Variants in ANO4 observed in about 807,000 individuals in gnomAD.
ANO4 encodes anoctamin 4, also known as anoctamin-4.
ANO4 carries 69 observed loss-of-function variants against 141.9 expected under a neutral mutation model. The ratio of observed to expected loss-of-function variants is 0.49; its 90% CI spans 0.40 to 0.59. The LOEUF (loss-of-function observed/expected upper bound fraction) is 0.59, where lower values mean the gene tolerates loss of function less well. ANO4 is among the 20% of genes least tolerant of loss of function. The pLI, the probability that ANO4 is intolerant of heterozygous loss-of-function variation, is 0.00. For synonymous variants in ANO4, 350 were observed against 394.3 expected (o/e 0.89, Z 1.33); for missense variants, 894 against 1,162.2 (o/e 0.77, Z 3.36).
chr12:100,831,977 C>T (rs1356039212), intron 1 of ANO4, among the ~76,000 whole-genome samples: 2 of 152,054 alleles, frequency 1.3e-5, no homozygotes, highest in South Asian at 4.1e-4. Context: ...CGGGCTGGTA[C>T]CGTCTTTATT....
intron 1 of ANO4, among the ~76,000 whole-genome samples, chr12:100,838,019 C>T (rs999387840): frequency 6.6e-6 from 1 of 152,134 alleles, no homozygotes; most frequent in Admixed American, 6.5e-5. Context: ...TCCACAGGCC[C>T]CTATAGGGCC....
chr12:100,790,983 G>A (rs758581463), upstream of ANO4, among the ~76,000 whole-genome samples: 79 of 152,098 alleles, frequency 5.2e-4, no homozygotes, highest in Admixed American at 7.2e-4. Context: ...ATTTAGTGAG[G>A]GACCATACTT....
chr12:101,072,130 T>C (rs2048839299), intron 14 of ANO4, among the ~76,000 whole-genome samples: 1 of 152,176 alleles, frequency 6.6e-6, no homozygotes, highest in Non-Finnish European at 1.5e-5. Context: ...ATGTTCCTGG[T>C]TGGCAGATGG....
intron 4 of ANO4, among the ~76,000 whole-genome samples, chr12:100,940,030 G>A (rs748459311): frequency 4.7e-5 from 7 of 149,660 alleles, no homozygotes; most frequent in African/African-American, 1.5e-4. Flanking sequence ...TAGGCACACC[G>A]AATCAGAGTA....
chr12:100,746,823 C>T (rs965939280), intron 3 of ANO4, among the ~76,000 whole-genome samples: 2 of 152,176 alleles, frequency 1.3e-5, no homozygotes, highest in African/African-American at 4.8e-5. Context: ...CCAGGGCTCT[C>T]GTTTCTCTCC....
chr12:100,915,620 C>G (rs905455377), intron 2 of ANO4, among the ~76,000 whole-genome samples: 3 of 152,118 alleles, frequency 2.0e-5, no homozygotes, highest in African/African-American at 7.2e-5. Context: ...ATTGTTTTTA[C>G]TTAGCCTAGG....
intron 3 of ANO4, among the ~76,000 whole-genome samples, chr12:100,764,999 T>C (rs1005180634): frequency 2.7e-4 from 41 of 152,216 alleles, no homozygotes; most frequent in Admixed American, 1.2e-3. Context: ...GAATTGTTTC[T>C]TCTTCAATTT....
chr12:100,843,046 C>G (rs972196), intron 1 of ANO4, among the ~76,000 whole-genome samples: 126,326 of 152,034 alleles, frequency 0.83, 52,539 homozygotes, highest in Admixed American at 0.87. Context: ...ACTTCTTCTT[C>G]TTAGAATTAT....
intron 17 of ANO4, among the ~76,000 whole-genome samples, chr12:101,089,866 T>C (rs2049681095): frequency 1.3e-5 from 2 of 151,928 alleles, no homozygotes; most frequent in African/African-American, 4.8e-5. Flanking sequence ...GGGGCTAATA[T>C]CCAGAATCTA....
intron 3 of ANO4, among the ~76,000 whole-genome samples, chr12:100,765,351 G>T (rs1166345590): frequency 1.4e-5 from 2 of 146,144 alleles, no homozygotes; most frequent in Non-Finnish European, 3.0e-5. Context: ...CTAATGATTT[G>T]TCAGTTCTGT....
chr12:101,090,827 G>C (rs1351261279), intron 17 of ANO4, among the ~76,000 whole-genome samples: 1 of 152,184 alleles, frequency 6.6e-6, no homozygotes, highest in Admixed American at 6.5e-5. Context: ...GCAGGTGCCA[G>C]TGTTGTCAGA....
intron 3 of ANO4, among the ~76,000 whole-genome samples, chr12:100,930,226 T>C (rs1030269214): frequency 6.6e-6 from 1 of 152,196 alleles, no homozygotes; most frequent in Non-Finnish European, 1.5e-5. Context: ...TTGCCTGTGC[T>C]TGTGAGGTAT....
intron 8 of ANO4, among the ~76,000 whole-genome samples, chr12:100,989,975 A>AGATGGATGGATGGATGGATG (rs58082088): frequency 3.8e-5 from 5 of 131,852 alleles, no homozygotes; most frequent in East Asian, 5.0e-4. Context: ...ATAGGTCACC[A>AGATGGATGGATGGATGGATG]GATGGATGGA....
rs372074321 is a variant in ANO4, at chr12:100,997,160, C to T, written c.734+9490C>T. Reference sequence around the variant, plus strand: ...ACCAGCCTGGCCAACATGGTGAAACCCTGCCTCTACTAAAAATACAAAAAT... The same window carrying T: ...ACCAGCCTGGCCAACATGGTGAAACTCTGCCTCTACTAAAAATACAAAAAT... On this transcript the variant is annotated intron_variant, in intron 8 of 27. Transcript: ENST00000392977. Among the ~76,000 whole-genome samples the T allele has an allele frequency of 1.5e-4, 23 of 152,058 alleles. No individual in the cohort carries two copies. The East Asian group carries it at 4.3e-3, about 28-fold the overall frequency.
At chr12:100,973,354 A>G (rs1324873622) in intron 6 of ANO4, among the ~76,000 whole-genome samples, 1 of 152,246 alleles carries the variant, frequency 6.6e-6, no homozygotes, top group Non-Finnish European at 1.5e-5. Flanking sequence ...TTAATACGCA[A>G]AGAATCTTAC....
At chr12:101,092,065 A>T (rs1440470145) in intron 17 of ANO4, among the ~76,000 whole-genome samples, 1 of 152,142 alleles carries the variant, frequency 6.6e-6, no homozygotes, top group Non-Finnish European at 1.5e-5. Context: ...CTGCTTCACT[A>T]GTGACCGAAA....
intron 22 of ANO4, among the ~76,000 whole-genome samples, chr12:101,100,780 T>C (rs2050158198): frequency 6.6e-6 from 1 of 152,230 alleles, no homozygotes; most frequent in Non-Finnish European, 1.5e-5. Context: ...CTTTTGTTTT[T>C]GCTATTTTCT....
chr12:100,819,819 A>G (rs1010924100), intron 1 of ANO4, among the ~76,000 whole-genome samples: 1 of 151,828 alleles, frequency 6.6e-6, no homozygotes, highest in African/African-American at 2.4e-5. Context: ...AAACTGAGTA[A>G]GTTCCTCTTC....
intron 24 of ANO4, among the ~76,000 whole-genome samples, chr12:101,113,513 A>G (rs1043573540): frequency 6.6e-6 from 1 of 151,946 alleles, no homozygotes; most frequent in Non-Finnish European, 1.5e-5. Context: ...GCCACTTTCA[A>G]TTTATGGATC....
Sources: gnomAD v4.1 joint callset for allele counts (sites outside exome capture counted in the v4.1 genomes callset) on GRCh38, gnomAD v4.1.1 for gene constraint, MANE v1.5 for transcripts, NCBI Gene and HGNC (gene_info 2026-07-23, HGNC 2026-07-21) for gene names.